PDZRN3: variants seen among roughly 807,000 people sequenced by gnomAD.
The protein encoded by PDZRN3 is E3 ubiquitin-protein ligase PDZRN3.
PDZRN3 carries 38 observed loss-of-function variants against 85.7 expected under a neutral mutation model. That is an observed-to-expected ratio of 0.44 (90% CI 0.34 to 0.58). The LOEUF is 0.58. Ranked by LOEUF, PDZRN3 falls within the 20% of genes least tolerant of loss-of-function variation. The probability of loss-of-function intolerance (pLI) is 0.01; values close to 1 mark genes in which losing one functional copy is unlikely to be tolerated. For synonymous variants in PDZRN3, 759 were observed against 638.0 expected, an observed-to-expected ratio of 1.19 and a Z score of -2.86; for missense variants, 1,629 against 1,506.4, an observed-to-expected ratio of 1.08 and a Z score of -1.35.
Position 73,404,511 on chromosome 3 carries a change from G to A in PDZRN3, c.919-116C>T, listed in dbSNP as rs1575626829. On this transcript the variant is annotated intron_variant, in intron 3 of 9. Coordinates refer to ENST00000263666, the MANE Select transcript of PDZRN3 (RefSeq NM_015009.3). ...AGCTAAAAGAAAGAAGCAGGTGGTG[G>A]TGTCAGAGAACTTCAGTTCTCTGTG... The A allele has an allele frequency of 2.4e-5, 27 of 1,135,434 alleles. No individual in the cohort carries two copies. In the East Asian group the frequency reaches 6.4e-4, roughly 27 times the overall value. 70.3% of individuals were successfully genotyped at this position (1,135,434 alleles called of 1,614,324 possible).
chr3:73,488,040 G>A (rs149714377), intron 3 of PDZRN3, among the ~76,000 whole-genome samples: 46 of 148,596 alleles, frequency 3.1e-4, no homozygotes, highest in African/African-American at 1.0e-3. Flanking sequence ...GTGGCACTAG[G>A]CTTTTATATT....
intron 3 of PDZRN3, among the ~76,000 whole-genome samples, chr3:73,559,640 ATACT>A (rs1392213455): frequency 6.6e-6 from 1 of 152,206 alleles, no homozygotes; most frequent in African/African-American, 2.4e-5. Flanking sequence ...ACTGCATGTG[ATACT>A]TGTTTCCTAT....
chr3:73,384,414 A>G lies in PDZRN3; in HGVS notation c.2152T>C (p.Ser718Pro). 1 of 1,610,110 alleles carries G rather than the reference A, an allele frequency of 6.2e-7. No homozygotes were observed. Among genetic ancestry groups the G allele is most frequent in the Non-Finnish European group, 8.5e-7 (1 of 1,179,914 alleles). Residue 718 changes from serine (S) to proline (P), a missense_variant, in exon 10 of 10, where the codon TCC (serine) becomes CCC (proline). Coordinates refer to ENST00000263666, the MANE Select transcript of PDZRN3 (RefSeq NM_015009.3). ...AAGCCGCTGTTGTGCAGCATCCAGGACTCGCGGTACTGCTCCTTGAGCTGC... is the reference window on the plus strand; with the variant it reads ...AAGCCGCTGTTGTGCAGCATCCAGGGCTCGCGGTACTGCTCCTTGAGCTGC... ...MQQLKEQYRE[S>P]WMLHNSGFRN...
At chr3:73,562,794 A>T (rs977483485) in intron 3 of PDZRN3, among the ~76,000 whole-genome samples, 9 of 151,654 alleles carry the variant, frequency 5.9e-5, no homozygotes, top group African/African-American at 2.2e-4. Context: ...GGGAAAGGGC[A>T]AGAGAATTCT....
intron 3 of PDZRN3, among the ~76,000 whole-genome samples, chr3:73,586,692 T>C (rs1702282927): frequency 6.6e-6 from 1 of 152,080 alleles, no homozygotes; most frequent in African/African-American, 2.4e-5. Flanking sequence ...GAATCCAGAG[T>C]GCAGGCAATC....
At chr3:73,414,931 G>A (rs1328343293) in intron 3 of PDZRN3, among the ~76,000 whole-genome samples, 1 of 152,172 alleles carries the variant, frequency 6.6e-6, no homozygotes, top group East Asian at 1.9e-4. Context: ...TTGCTTCTTT[G>A]AATCTCTAGC....
At chr3:73,386,473 C>T (rs1369001327) in intron 8 of PDZRN3, among the ~76,000 whole-genome samples, 2 of 152,068 alleles carry the variant, frequency 1.3e-5, no homozygotes, top group South Asian at 2.1e-4. Context: ...GGATTATAGG[C>T]GTGAGCCACT....
intron 3 of PDZRN3, among the ~76,000 whole-genome samples, chr3:73,429,800 T>C (rs1702393585): frequency 1.3e-5 from 2 of 152,220 alleles, no homozygotes; most frequent in East Asian, 1.9e-4. Flanking sequence ...AAATCATTCA[T>C]TCTTCAGGTT....
At chr3:73,498,068 A>T (rs548145775) in intron 3 of PDZRN3, among the ~76,000 whole-genome samples, 1 of 152,310 alleles carries the variant, frequency 6.6e-6, no homozygotes, top group African/African-American at 2.4e-5. Context: ...TCCGCCAGAG[A>T]AGGTAAGGCC....
At chr3:73,445,937 A>G (rs1339733185) in intron 3 of PDZRN3, among the ~76,000 whole-genome samples, 2 of 152,228 alleles carry the variant, frequency 1.3e-5, no homozygotes, top group Non-Finnish European at 2.9e-5. Context: ...GGCTTGCTGA[A>G]GCGAAACAGT....
intron 3 of PDZRN3, among the ~76,000 whole-genome samples, chr3:73,481,260 G>C (rs1419376656): frequency 2.0e-5 from 3 of 152,238 alleles, no homozygotes; most frequent in Non-Finnish European, 4.4e-5. Flanking sequence ...TCACTTCAGA[G>C]ACTAAACTTT....
chr3:73,601,058 C>G (rs1389503302), intron 3 of PDZRN3, among the ~76,000 whole-genome samples: 1 of 152,192 alleles, frequency 6.6e-6, no homozygotes, highest in Non-Finnish European at 1.5e-5. Context: ...CACACTCCCT[C>G]CGAGGAGGGA....
In PDZRN3 at chr3:73,563,576, G is replaced by A. The variant is rs117387322; in HGVS notation, c.918+38778C>T. Among the ~76,000 whole-genome samples, 116 of 152,232 alleles carry A rather than the reference G, an allele frequency of 7.6e-4. No homozygotes were observed. In the East Asian group the frequency reaches 0.021, roughly 28 times the overall value. ...ATACAATTTCATTTATAAATCAAGAGACATTTGCCTGCTGTGGGCTTCTGC... is the reference window on the plus strand; with the variant it reads ...ATACAATTTCATTTATAAATCAAGAAACATTTGCCTGCTGTGGGCTTCTGC... On this transcript the variant is annotated intron_variant, in intron 3 of 9. Transcript: ENST00000263666.
chr3:73,547,925 G>A (rs1190023400), intron 3 of PDZRN3, among the ~76,000 whole-genome samples: 1 of 152,162 alleles, frequency 6.6e-6, no homozygotes, highest in Non-Finnish European at 1.5e-5. Context: ...AGGCTTCTTG[G>A]ACACCAAAGA....
chr3:73,547,289 A>G lies in PDZRN3; in HGVS notation c.918+55065T>C, dbSNP rs566027618. 2.6e-5 allele frequency among the ~76,000 whole-genome samples: 4 copies of G among 152,370 alleles called. No homozygotes were observed. The South Asian group carries it at 8.3e-4, about 32-fold the overall frequency. ...GGCAGTAGATAGTTGTTTTCTTTAA[A>G]GCTTATAAGCCTTTCTTGATGAAGA... is the stretch of plus-strand genomic sequence containing the variant. On this transcript the variant is annotated intron_variant, in intron 3 of 9. Coordinates refer to ENST00000263666, the MANE Select transcript of PDZRN3 (RefSeq NM_015009.3).
intron 3 of PDZRN3, among the ~76,000 whole-genome samples, chr3:73,542,895 G>C (rs1417811737): frequency 6.6e-6 from 1 of 152,104 alleles, no homozygotes; most frequent in Admixed American, 6.5e-5. Context: ...ATCAAATTTG[G>C]TACTTCAGGA....
intron 3 of PDZRN3, among the ~76,000 whole-genome samples, chr3:73,437,861 C>T (rs763168812): frequency 4.6e-5 from 7 of 152,288 alleles, no homozygotes; most frequent in Middle Eastern, 6.8e-3. Context: ...TGATGATACA[C>T]ACCCTACCAT....
rs537372216 is a variant in PDZRN3 at position 73,471,447 on chromosome 3, T to C, written c.919-67052A>G. Among the ~76,000 whole-genome samples, 9 of 152,350 alleles carry C rather than the reference T, an allele frequency of 5.9e-5. No homozygotes were observed. In the East Asian group the frequency reaches 9.6e-4, roughly 16 times the overall value. On this transcript the variant is annotated intron_variant, in intron 3 of 9. Transcript: ENST00000263666. ...TAAATGCAGCCCTAAAAAACTCATA[T>C]AGTATCTATGTAATAAATTAATCTA...
chr3:73,550,908 G>T (rs1406591475), intron 3 of PDZRN3, among the ~76,000 whole-genome samples: 4 of 152,230 alleles, frequency 2.6e-5, no homozygotes, highest in Non-Finnish European at 5.9e-5. Flanking sequence ...TGGAGAAGCA[G>T]AATGTTGCAA....
Sources: allele counts gnomAD v4.1 joint callset (sites outside exome capture counted in the v4.1 genomes callset), GRCh38; gene constraint gnomAD v4.1.1; transcripts MANE v1.5; gene names NCBI Gene and HGNC (gene_info 2026-07-23, HGNC 2026-07-21).